ROBO2: variants seen among roughly 807,000 people sequenced by gnomAD.
ROBO2 encodes roundabout guidance receptor 2.
In ROBO2, 53 loss-of-function variants were observed where a neutral mutation model predicts 160.8. The observed-to-expected ratio is 0.33, with a 90% CI of 0.26 to 0.41. The LOEUF is 0.41. Ranked by LOEUF, ROBO2 falls within the 10% of genes least tolerant of loss-of-function variation. ROBO2 has a pLI of 1.00. For missense variants in ROBO2, 1,577 were observed against 1,722.4 expected (o/e 0.92, Z 1.49); for synonymous variants, 664 against 611.7 (o/e 1.09, Z -1.26).
At chr3:76,041,324 T>C (rs2067265639) in intron 2 of ROBO2, among the ~76,000 whole-genome samples, 2 of 152,014 alleles carry the variant, frequency 1.3e-5, no homozygotes, top group African/African-American at 4.8e-5. Flanking sequence ...CTTTTTAGAT[T>C]GTATTTTTTC....
intron 2 of ROBO2, among the ~76,000 whole-genome samples, chr3:77,258,571 C>T (rs960141764): frequency 2.0e-5 from 3 of 150,098 alleles, no homozygotes; most frequent in Admixed American, 6.6e-5. Context: ...TTCAGTGAGC[C>T]GAGATCGCAC....
chr3:76,800,022 C>A (rs2064077573), intron 2 of ROBO2, among the ~76,000 whole-genome samples: 1 of 152,090 alleles, frequency 6.6e-6, no homozygotes, highest in Non-Finnish European at 1.5e-5. Flanking sequence ...TAAAAACAGA[C>A]ACAAAGACCA....
chr3:77,130,948 T>C (rs1309745278), intron 2 of ROBO2, among the ~76,000 whole-genome samples: 5 of 152,108 alleles, frequency 3.3e-5, no homozygotes, highest in Admixed American at 6.5e-5. Context: ...TAACTAGTTA[T>C]GGAAGTGAAA....
At chr3:76,854,347 A>G (rs1204035603) in intron 2 of ROBO2, among the ~76,000 whole-genome samples, 1 of 152,116 alleles carries the variant, frequency 6.6e-6, no homozygotes, top group Admixed American at 6.5e-5. Flanking sequence ...TTTCAAGGTA[A>G]ACTTGTATAG....
At chr3:77,629,845 G>C (rs1583394022) in intron 23 of ROBO2, 2 of 152,218 alleles carry the variant, frequency 1.3e-5, no homozygotes, top group South Asian at 4.1e-4. Flanking sequence ...TATGCCTACT[G>C]TTTATTGAAT....
intron 2 of ROBO2, among the ~76,000 whole-genome samples, chr3:77,160,605 A>G (rs1288798583): frequency 6.6e-6 from 1 of 152,216 alleles, no homozygotes; most frequent in Non-Finnish European, 1.5e-5. Flanking sequence ...ATAAACTGAT[A>G]TATGTAATAC....
chr3:77,155,623 G>A (rs1412151267), intron 2 of ROBO2, among the ~76,000 whole-genome samples: 1 of 151,968 alleles, frequency 6.6e-6, no homozygotes, highest in African/African-American at 2.4e-5. Context: ...GTAGCAATTT[G>A]TTACAACAGC....
At chr3:77,136,070 A>G (rs1192410648) in intron 2 of ROBO2, among the ~76,000 whole-genome samples, 5 of 152,138 alleles carry the variant, frequency 3.3e-5, no homozygotes, top group Non-Finnish European at 7.4e-5. Context: ...TATATTTTTT[A>G]CCAGCTTTTG....
intron 2 of ROBO2, among the ~76,000 whole-genome samples, chr3:75,985,000 T>G (rs969207399): frequency 6.6e-6 from 1 of 151,564 alleles, no homozygotes; most frequent in African/African-American, 2.4e-5. Context: ...TCTGCATGTT[T>G]CCTTGGAGAT....
At chr3:77,452,529 C>G (rs770241229) in intron 2 of ROBO2, among the ~76,000 whole-genome samples, 5 of 152,084 alleles carry the variant, frequency 3.3e-5, no homozygotes, top group South Asian at 4.1e-4. Flanking sequence ...GAAGTGGACA[C>G]CAATTATACA....
intron 2 of ROBO2, among the ~76,000 whole-genome samples, chr3:77,175,770 G>A (rs1194738802): frequency 2.0e-5 from 3 of 151,976 alleles, no homozygotes; most frequent in Non-Finnish European, 4.4e-5. Flanking sequence ...AAGATAAGGA[G>A]CTGCTATCTG....
At position 76,392,516 on chromosome 3, in the gene ROBO2, C is replaced by T. The variant is rs1224811847; in HGVS notation, c.109+454914C>T. On this transcript the variant is annotated intron_variant, in intron 2 of 26. Coordinates refer to the ROBO2 transcript ENST00000487694. ...ATTCTTTATTTTAAAAAATGGGAAT[C>T]ATGACTGAGTAGCTATTTGACTGAT... 2.0e-5 allele frequency among the ~76,000 whole-genome samples: 3 copies of T among 152,102 alleles called. 1 individual carries two copies. Among genetic ancestry groups the T allele is most frequent in the Admixed American group, 2.0e-4 (3 of 15,268 alleles).
chr3:76,653,101 C>A (rs1316717385), intron 2 of ROBO2, among the ~76,000 whole-genome samples: 2 of 151,740 alleles, frequency 1.3e-5, no homozygotes, highest in Admixed American at 6.6e-5. Context: ...TTTACATATA[C>A]CAAATTACAC....
At chr3:76,314,343 T>C (rs2071819321) in intron 2 of ROBO2, among the ~76,000 whole-genome samples, 1 of 152,178 alleles carries the variant, frequency 6.6e-6, no homozygotes, top group African/African-American at 2.4e-5. Context: ...GTCTAAAAGA[T>C]GTAAACAGCT....
intron 2 of ROBO2, chr3:77,317,506 A>G (rs2064128933): frequency 6.8e-7 from 1 of 1,463,028 alleles, no homozygotes; most frequent in African/African-American, 1.4e-5. Flanking sequence ...CCATCCTCAG[A>G]TTTCGTTTTC....
At chr3:76,989,733 A>G (rs1356517495) in intron 2 of ROBO2, among the ~76,000 whole-genome samples, 1 of 152,138 alleles carries the variant, frequency 6.6e-6, no homozygotes, top group African/African-American at 2.4e-5. Flanking sequence ...ATTATAAGAA[A>G]ACTGATATAA....
chr3:76,996,703 G>A (rs2061032563), intron 2 of ROBO2, among the ~76,000 whole-genome samples: 1 of 152,190 alleles, frequency 6.6e-6, no homozygotes, highest in South Asian at 2.1e-4. Flanking sequence ...TTCTTACCAA[G>A]TCGAGTACAT....
intron 2 of ROBO2, among the ~76,000 whole-genome samples, chr3:77,425,888 C>G (rs1447899845): frequency 6.6e-6 from 1 of 151,960 alleles, no homozygotes; most frequent in Non-Finnish European, 1.5e-5. Context: ...ATCTCGAACT[C>G]CTGATCTCAA....
At chr3:76,475,313 G>GA (rs2078876497) in intron 2 of ROBO2, among the ~76,000 whole-genome samples, 2 of 151,874 alleles carry the variant, frequency 1.3e-5, no homozygotes, top group African/African-American at 4.8e-5. Context: ...GGGACTGCTG[G>GA]AAAAAAAAGT....
Sources: gnomAD v4.1 joint callset for allele counts (sites outside exome capture counted in the v4.1 genomes callset) on GRCh38, gnomAD v4.1.1 for gene constraint, MANE v1.5 for transcripts, NCBI Gene and HGNC (gene_info 2026-07-23, HGNC 2026-07-21) for gene names.